The following TAFA1 variants were observed in gnomAD, a reference collection of about 807,000 sequenced individuals.
The protein encoded by TAFA1 is TAFA chemokine like family member 1.
TAFA1 carries 4 observed loss-of-function variants against 18.5 expected under a neutral mutation model. That is an observed-to-expected ratio of 0.22 (90% CI 0.11 to 0.49). The LOEUF (loss-of-function observed/expected upper bound fraction) is 0.49, where lower values mean the gene tolerates loss of function less well. TAFA1 is among the 20% of genes least tolerant of loss of function. The pLI, the probability that TAFA1 is intolerant of heterozygous loss-of-function variation, is 0.98. For synonymous variants in TAFA1, 56 were observed against 55.2 expected (o/e 1.01, Z -0.06); for missense variants, 147 against 169.0 (o/e 0.87, Z 0.72).
chr3:68,212,117 G>C (rs913691566), intron 2 of TAFA1, among the ~76,000 whole-genome samples: 1 of 151,862 alleles, frequency 6.6e-6, no homozygotes, highest in Admixed American at 6.6e-5. Context: ...TGAAGAGACA[G>C]CATTTGACTC....
At chr3:68,161,703 A>G (rs962784747) in intron 2 of TAFA1, among the ~76,000 whole-genome samples, 2 of 152,212 alleles carry the variant, frequency 1.3e-5, no homozygotes, top group Admixed American at 6.5e-5. Context: ...AGCAAAGCTA[A>G]GATTTCAGAC....
At chr3:68,116,967 G>C (rs1380311781) in intron 2 of TAFA1, among the ~76,000 whole-genome samples, 1 of 152,152 alleles carries the variant, frequency 6.6e-6, no homozygotes, top group Admixed American at 6.5e-5. Context: ...TTTACTGTCT[G>C]CCCCTTTACA....
chr3:68,229,467 C>T (rs1400476749), intron 2 of TAFA1, among the ~76,000 whole-genome samples: 2 of 152,148 alleles, frequency 1.3e-5, no homozygotes, highest in East Asian at 1.9e-4. Flanking sequence ...TTTTAAAAAT[C>T]CCAACATAAT....
chr3:68,278,978 G>T (rs1406501139), intron 2 of TAFA1, among the ~76,000 whole-genome samples: 1 of 152,060 alleles, frequency 6.6e-6, no homozygotes, highest in African/African-American at 2.4e-5. Context: ...CATTCAGTAG[G>T]TCTGCTTCTG....
intron 3 of TAFA1, among the ~76,000 whole-genome samples, chr3:68,425,625 C>T (rs2071038487): frequency 6.6e-6 from 1 of 151,892 alleles, no homozygotes. Context: ...GATGAATGTA[C>T]AAGAACTGTC....
chr3:68,380,667 T>C (rs2069928752), intron 2 of TAFA1, among the ~76,000 whole-genome samples: 1 of 152,166 alleles, frequency 6.6e-6, no homozygotes, highest in Admixed American at 6.5e-5. Flanking sequence ...TTCTGGATAT[T>C]AGCCCTTTGT....
chr3:68,423,726 CTATT>C (rs1371017422), intron 3 of TAFA1, among the ~76,000 whole-genome samples: 1 of 147,902 alleles, frequency 6.8e-6, no homozygotes, highest in Non-Finnish European at 1.5e-5. Flanking sequence ...GCAGTTTTCT[CTATT>C]TAGGATTTTG....
intron 2 of TAFA1, among the ~76,000 whole-genome samples, chr3:68,394,397 A>T (rs554349049): frequency 6.6e-6 from 1 of 152,208 alleles, no homozygotes; most frequent in Non-Finnish European, 1.5e-5. Flanking sequence ...TATAGATTCA[A>T]TGCTATCCCA....
intron 3 of TAFA1, among the ~76,000 whole-genome samples, chr3:68,445,550 T>C (rs1031925119): frequency 6.6e-6 from 1 of 152,164 alleles, no homozygotes; most frequent in African/African-American, 2.4e-5. Context: ...GAAATTAGCA[T>C]TCAGCGTGAA....
At position 68,391,617 on chromosome 3, in the gene TAFA1, C is replaced by T. The variant is rs143053411; in HGVS notation, c.119-25663C>T. On this transcript the variant is annotated intron_variant, in intron 2 of 4. Transcript: ENST00000478136. ...GTTAAGGACAGCCAGAGAGAAAGGT[C>T]GGGTTACCCACAAAGGGAAGCCCAC... Among the ~76,000 whole-genome samples, 994 of 152,294 alleles carry T rather than the reference C, an allele frequency of 6.5e-3. 11 individuals carry two copies. The highest frequency in any genetic ancestry group is 0.022 in the African/African-American group (920 of 41,564).
chr3:68,046,868 T>C (rs2064392834), intron 2 of TAFA1, among the ~76,000 whole-genome samples: 1 of 152,166 alleles, frequency 6.6e-6, no homozygotes, highest in African/African-American at 2.4e-5. Flanking sequence ...TAAGATAAGG[T>C]TAAGCCTGAT....
intron 2 of TAFA1, among the ~76,000 whole-genome samples, chr3:68,083,834 C>G (rs1360014669): frequency 6.6e-6 from 1 of 152,064 alleles, no homozygotes; most frequent in Non-Finnish European, 1.5e-5. Flanking sequence ...TTTTCATGAT[C>G]ATGCTTCTTC....
At chr3:68,190,197 T>C (rs2066320825) in intron 2 of TAFA1, among the ~76,000 whole-genome samples, 1 of 151,896 alleles carries the variant, frequency 6.6e-6, no homozygotes, top group South Asian at 2.1e-4. Flanking sequence ...TCACCAAAAC[T>C]TCTTTTATGT....
intron 2 of TAFA1, among the ~76,000 whole-genome samples, chr3:68,268,571 G>C: frequency 6.6e-6 from 1 of 152,146 alleles, no homozygotes; most frequent in African/African-American, 2.4e-5. Context: ...GAAATGAAAG[G>C]TGAAAGGGAT....
chr3:68,140,873 C>A (rs968608641), intron 2 of TAFA1, among the ~76,000 whole-genome samples: 1 of 152,148 alleles, frequency 6.6e-6, no homozygotes, highest in Non-Finnish European at 1.5e-5. Context: ...CCTTTACTGC[C>A]CTGCTGCTTC....
At chr3:68,414,983 G>A (rs1398281101) in intron 2 of TAFA1, among the ~76,000 whole-genome samples, 1 of 152,180 alleles carries the variant, frequency 6.6e-6, no homozygotes, top group Non-Finnish European at 1.5e-5. Flanking sequence ...GAGGGTATTT[G>A]TAGCTGACAA....
At chr3:68,519,306 G>A (rs2072978944) in intron 3 of TAFA1, among the ~76,000 whole-genome samples, 1 of 152,196 alleles carries the variant, frequency 6.6e-6, no homozygotes, top group Non-Finnish European at 1.5e-5. Context: ...TATAAACAAG[G>A]AGGCAGGCCC....
chr3:68,375,281 T>C (rs1214383148), intron 2 of TAFA1, among the ~76,000 whole-genome samples: 7 of 152,192 alleles, frequency 4.6e-5, no homozygotes, highest in Non-Finnish European at 8.8e-5. Flanking sequence ...ACAGTGGTGT[T>C]ATCATTTGAC....
intron 3 of TAFA1, among the ~76,000 whole-genome samples, chr3:68,514,283 T>C (rs2072890338): frequency 6.6e-6 from 1 of 152,200 alleles, no homozygotes; most frequent in Non-Finnish European, 1.5e-5. Context: ...TCTATATAGA[T>C]ATGGCAAAAT....
Sources: allele counts gnomAD v4.1 joint callset (sites outside exome capture counted in the v4.1 genomes callset), GRCh38; gene constraint gnomAD v4.1.1; transcripts MANE v1.5; gene names NCBI Gene and HGNC (gene_info 2026-07-23, HGNC 2026-07-21).